SPMIP5: variants seen among roughly 807,000 people sequenced by gnomAD.
SPMIP5 encodes the protein sperm-associated microtubule inner protein 5.
At chr10:116,669,302 A>G in the SPMIP5 span, among the ~76,000 whole-genome samples, 56 of 152,182 alleles carry the variant, frequency 3.7e-4, no homozygotes, top group South Asian at 0.011. Flanking sequence ...GATTGTTAAG[A>G]CAGTTCAGCC....
chr10:116,662,271 T>C, the SPMIP5 span, among the ~76,000 whole-genome samples: 1 of 152,218 alleles, frequency 6.6e-6, no homozygotes, highest in African/African-American at 2.4e-5. Context: ...AGAGTAGATA[T>C]AGTCACTGTA....
At chr10:116,665,704 C>T in the SPMIP5 span, 120 of 1,614,086 alleles carry the variant, frequency 7.4e-5, no homozygotes, top group Non-Finnish European at 9.4e-5. Context: ...GCAGTGGCCA[C>T]TGCGCAGCAC....
the SPMIP5 span, chr10:116,664,626 G>A: frequency 1.4e-6 from 2 of 1,474,086 alleles, no homozygotes; most frequent in South Asian, 1.5e-5. Flanking sequence ...AACTACAAAT[G>A]AGGCACCTTC....
At chr10:116,664,910 CG>C in the SPMIP5 span, 16 of 1,614,018 alleles carry the variant, frequency 9.9e-6, no homozygotes, top group Non-Finnish European at 1.4e-5. Flanking sequence ...AGCCAGGGAT[CG>C]GGGGCTCCTG....
chr10:116,665,864 C>A, the SPMIP5 span: 742 of 1,560,418 alleles, frequency 4.8e-4, 10 homozygotes, highest in South Asian at 8.1e-3. Flanking sequence ...TTCAGCAAGA[C>A]TGGCCAGCAA....
At chr10:116,669,139 T>A in the SPMIP5 span, among the ~76,000 whole-genome samples, 1 of 152,180 alleles carries the variant, frequency 6.6e-6, no homozygotes, top group African/African-American at 2.4e-5. Flanking sequence ...TCTTTGGGTA[T>A]CGCTGGTCAT....
chr10:116,665,266 A>G, the SPMIP5 span: 3 of 459,596 alleles, frequency 6.5e-6, no homozygotes, highest in Non-Finnish European at 1.0e-5. Context: ...GCATGGTGGC[A>G]TGCACCTGTA....
chr10:116,662,913 T>C, the SPMIP5 span, among the ~76,000 whole-genome samples: 1 of 152,266 alleles, frequency 6.6e-6, no homozygotes, highest in South Asian at 2.1e-4. Context: ...CTGGGCACAG[T>C]GGCTCACACC....
At chr10:116,664,239 G>A in the SPMIP5 span, 1 of 1,610,590 alleles carries the variant, frequency 6.2e-7, no homozygotes, top group Non-Finnish European at 8.5e-7. Flanking sequence ...TGGAGACGGA[G>A]CAGAAGTTTT....
At chr10:116,668,259 G>C in the SPMIP5 span, 1 of 1,613,508 alleles carries the variant, frequency 6.2e-7, no homozygotes, top group Non-Finnish European at 8.5e-7. Context: ...CACACTTACC[G>C]CTATAGCCTG....
At chr10:116,663,818 T>C in the SPMIP5 span, 1 of 1,377,572 alleles carries the variant, frequency 7.3e-7, no homozygotes, top group Non-Finnish European at 9.5e-7. Context: ...TAAATTTCTT[T>C]ATTGCTCACT....
chr10:116,663,763 G>GT, the SPMIP5 span: 2 of 922,758 alleles, frequency 2.2e-6, no homozygotes, highest in Non-Finnish European at 3.1e-6. Context: ...ACATGCAACC[G>GT]TCAACCACTC....
At chr10:116,667,580 G>A in the SPMIP5 span, among the ~76,000 whole-genome samples, 1 of 152,172 alleles carries the variant, frequency 6.6e-6, no homozygotes, top group African/African-American at 2.4e-5. Context: ...TATCACCCAA[G>A]TACTATTCCT....
At chr10:116,662,427 G>A in the SPMIP5 span, among the ~76,000 whole-genome samples, 4 of 152,160 alleles carry the variant, frequency 2.6e-5, no homozygotes, top group Admixed American at 1.3e-4. Context: ...ATCAAGGAAG[G>A]AAATACTAAA....
the SPMIP5 span, among the ~76,000 whole-genome samples, chr10:116,662,345 G>A: frequency 6.6e-5 from 10 of 152,136 alleles, no homozygotes. Context: ...CCAGAGCCAC[G>A]TGATACAAAA....
At chr10:116,664,424 C>A in the SPMIP5 span, 1 of 798,430 alleles carries the variant, frequency 1.3e-6, no homozygotes, top group South Asian at 2.4e-5. Flanking sequence ...AGATCACCCT[C>A]CTCATTTCGC....
At chr10:116,663,755 A>T in the SPMIP5 span, 1 of 827,634 alleles carries the variant, frequency 1.2e-6, no homozygotes, top group Non-Finnish European at 1.8e-6. Context: ...CATTAATGAC[A>T]TGCAACCGTC....
At chr10:116,665,510 G>A in the SPMIP5 span, 10 of 1,039,264 alleles carry the variant, frequency 9.6e-6, no homozygotes, top group African/African-American at 3.2e-5. Context: ...GATTTGGAAC[G>A]GTGCGGGATT....
the SPMIP5 span, among the ~76,000 whole-genome samples, chr10:116,667,625 G>A: frequency 1.3e-5 from 2 of 152,228 alleles, no homozygotes; most frequent in Non-Finnish European, 2.9e-5. Context: ...CCAAGGGTCT[G>A]TGGGGACCAC....
Sources: allele counts gnomAD v4.1 joint callset (sites outside exome capture counted in the v4.1 genomes callset), GRCh38; gene constraint gnomAD v4.1.1; transcripts MANE v1.5; gene names NCBI Gene and HGNC (gene_info 2026-07-23, HGNC 2026-07-21).